Variants in GALNT10 observed in about 807,000 individuals in gnomAD.
GALNT10 encodes polypeptide N-acetylgalactosaminyltransferase 10.
GALNT10 carries 41 observed loss-of-function variants against 75.0 expected under a neutral mutation model. The observed-to-expected ratio is 0.55, with a 90% CI of 0.43 to 0.71. The LOEUF is 0.71. Ranked by LOEUF, GALNT10 falls within the 30% of genes least tolerant of loss-of-function variation. The pLI, the probability that GALNT10 is intolerant of heterozygous loss-of-function variation, is 0.00. For missense variants in GALNT10, 727 were observed against 818.5 expected (o/e 0.89, Z 1.36); for synonymous variants, 302 against 313.0 (o/e 0.96, Z 0.37).
At chr5:154,318,657 A>G (rs1226234250) in intron 3 of GALNT10, among the ~76,000 whole-genome samples, 1 of 152,224 alleles carries the variant, frequency 6.6e-6, no homozygotes, top group East Asian at 1.9e-4. Context: ...GAAATCCTCA[A>G]CAGATGTTTT....
intron 4 of GALNT10, among the ~76,000 whole-genome samples, chr5:154,345,389 G>T (rs556769380): frequency 2.6e-5 from 4 of 151,960 alleles, no homozygotes; most frequent in Non-Finnish European, 5.9e-5. Flanking sequence ...TGCACATTAG[G>T]TCTCCAGAAC....
At chr5:154,293,611 A>ATTTTTTTTTTTTTTTTTTTTTTTTTT (rs912343114) in intron 1 of GALNT10, among the ~76,000 whole-genome samples, 6 of 96,680 alleles carry the variant, frequency 6.2e-5, no homozygotes, top group Non-Finnish European at 1.4e-4. Context: ...ATATATATAT[A>ATTTTTTTTTTTTTTTTTTTTTTTTTT]TATTTTTTTT....
At chr5:154,282,468 C>T (rs569361665) in intron 1 of GALNT10, among the ~76,000 whole-genome samples, 7 of 152,164 alleles carry the variant, frequency 4.6e-5, no homozygotes, top group South Asian at 2.1e-4. Context: ...ATCATATTCC[C>T]AGCTAAAATT....
intron 1 of GALNT10, among the ~76,000 whole-genome samples, chr5:154,288,440 G>GTGTGTGTGTGTA (rs1754145662): frequency 6.7e-6 from 1 of 149,324 alleles, no homozygotes; most frequent in African/African-American, 2.5e-5. Context: ...GTGTGTGTGT[G>GTGTGTGTGTGTA]TGTTTGAACA....
Position 154,416,150 on chromosome 5 carries a change from A to G in GALNT10, c.1653+218A>G, listed in dbSNP as rs73285250. The stretch of plus-strand genomic sequence containing the variant: ...TTGGCAACTGATTCCATTTAAAAAG[A>G]AAAGTGCAGCCGGGCACAGTGGCTC... On this transcript the variant is annotated intron_variant, in intron 11 of 11. Coordinates refer to ENST00000297107, the MANE Select transcript of GALNT10 (RefSeq NM_198321.4). The surrounding 1 kb of genome is among the most constrained non-coding windows in gnomAD (Gnocchi z 4.5). 3.6e-3 allele frequency among the ~76,000 whole-genome samples: 542 copies of G among 152,296 alleles called. 4 individuals carry two copies. The highest frequency in any genetic ancestry group is 0.012 in the African/African-American group (507 of 41,546).
At chr5:154,330,872 A>G (rs1754846805) in intron 4 of GALNT10, among the ~76,000 whole-genome samples, 1 of 151,226 alleles carries the variant, frequency 6.6e-6, no homozygotes, top group Non-Finnish European at 1.5e-5. Context: ...TCTTAATTAC[A>G]TGCGTTTAGT....
chr5:154,353,212 G>A lies in GALNT10; in HGVS notation c.569-23065G>A, dbSNP rs938096292. 2.0e-5 allele frequency among the ~76,000 whole-genome samples: 3 copies of A among 152,148 alleles called. No individual in the cohort carries two copies. In the East Asian group the frequency reaches 5.8e-4, roughly 29 times the overall value. On this transcript the variant is annotated intron_variant, in intron 4 of 11. Coordinates refer to ENST00000297107, the MANE Select transcript of GALNT10 (RefSeq NM_198321.4). ...ATCTCTGAGGGCAGTGGAGTTCAAG[G>A]TGAATTCTGTTTATGTTTTGGGTTG...
chr5:154,297,145 A>G (rs897923524), intron 2 of GALNT10, among the ~76,000 whole-genome samples: 5 of 151,788 alleles, frequency 3.3e-5, no homozygotes, highest in African/African-American at 1.2e-4. Context: ...CACTTACCAT[A>G]TGCACCTGGG....
At chr5:154,245,762 G>C (rs900397364) in intron 1 of GALNT10, among the ~76,000 whole-genome samples, 1 of 151,134 alleles carries the variant, frequency 6.6e-6, no homozygotes, top group Admixed American at 6.6e-5. Context: ...TAAGCATCTG[G>C]GATAAAAGTG....
intron 7 of GALNT10, among the ~76,000 whole-genome samples, chr5:154,401,663 C>T (rs942263208): frequency 1.1e-4 from 17 of 152,224 alleles, no homozygotes; most frequent in African/African-American, 3.6e-4. Context: ...CCAGGCAGCA[C>T]TTCCAATAAT....
chr5:154,354,485 A>G (rs1035432), intron 4 of GALNT10, among the ~76,000 whole-genome samples: 4,101 of 152,200 alleles, frequency 0.027, 186 homozygotes, highest in African/African-American at 0.093. Context: ...ACAGAGAGAA[A>G]AGGAAGTTTT....
chr5:154,409,410 G>T lies in GALNT10; in HGVS notation c.1165-131G>T. 1 of 756,034 alleles carries T rather than the reference G, an allele frequency of 1.3e-6. No homozygotes were observed. The highest frequency in any genetic ancestry group is 2.4e-6 in the Non-Finnish European group (1 of 410,116). 46.8% of individuals were successfully genotyped at this position (756,034 alleles called of 1,614,324 possible). On this transcript the variant is annotated intron_variant, in intron 8 of 11. Coordinates refer to ENST00000297107, the MANE Select transcript of GALNT10 (RefSeq NM_198321.4). This position sits in a 1 kb window ranked among gnomAD's most constrained non-coding sequence, Gnocchi z 4.5. ...GAAACACAGAAGGCCTAAACTCACG[G>T]TGGGGCTGGGATTTTTGATGGAACA...
rs138078418 is a variant in GALNT10 at position 154,212,472 on chromosome 5, G to A, written c.159+21447G>A. ...TGCTAAATATTAATACTTCACTTAC[G>A]TTACTTCATTTAATGCTTTGAACTA... On this transcript the variant is annotated intron_variant, in intron 1 of 11. Transcript: ENST00000297107. Among the ~76,000 whole-genome samples, 1,220 of 152,300 alleles carry A rather than the reference G, an allele frequency of 8.0e-3. 22 individuals carry two copies. Among genetic ancestry groups the A allele is most frequent in the African/African-American group, 0.028 (1,150 of 41,550 alleles).
Position 154,402,105 on chromosome 5 carries a change from A to T in GALNT10, c.1057-1999A>T, listed in dbSNP as rs536366989. ...AGGCTGTTCTCCACCCCACTGGCAG[A>T]GTCATCTTTGTAAGATGTAAGTGGA... On this transcript the variant is annotated intron_variant, in intron 7 of 11. Coordinates refer to ENST00000297107, the MANE Select transcript of GALNT10 (RefSeq NM_198321.4). The surrounding 1 kb of genome is among the most constrained non-coding windows in gnomAD (Gnocchi z 4.2). Among the ~76,000 whole-genome samples the T allele has an allele frequency of 5.3e-5, 8 of 152,292 alleles. No homozygotes were observed. The highest frequency in any genetic ancestry group is 2.9e-5 in the Non-Finnish European group (2 of 68,022).
At position 154,416,308 on chromosome 5, in the gene GALNT10, CTG is replaced by C. The variant is rs1247540903; in HGVS notation, c.1653+378_1653+379del. Among the ~76,000 whole-genome samples, 8 of 152,110 alleles carry C rather than the reference CTG, an allele frequency of 5.3e-5. No individual in the cohort carries two copies. The highest frequency in any genetic ancestry group is 3.9e-4 in the Admixed American group (6 of 15,274). On this transcript the variant is annotated intron_variant, in intron 11 of 11. Coordinates refer to ENST00000297107, the MANE Select transcript of GALNT10 (RefSeq NM_198321.4). This position sits in a 1 kb window ranked among gnomAD's most constrained non-coding sequence, Gnocchi z 4.5. ...ATCAGCCAGACATGGTGGCTCATGC[CTG>C]TACTCCCAGCTACTCGGGAGGCCGA...
chr5:154,208,807 G>A (rs2113646903), intron 1 of GALNT10, among the ~76,000 whole-genome samples: 1 of 152,314 alleles, frequency 6.6e-6, no homozygotes, highest in Middle Eastern at 3.4e-3. Context: ...TGGCTATTAA[G>A]AAGTGAAAAG....
At chr5:154,246,653 G>A (rs908937325) in intron 1 of GALNT10, among the ~76,000 whole-genome samples, 1 of 152,162 alleles carries the variant, frequency 6.6e-6, no homozygotes, top group Non-Finnish European at 1.5e-5. Flanking sequence ...TTTTGATGGG[G>A]TTGTTTGTTT....
intron 1 of GALNT10, among the ~76,000 whole-genome samples, chr5:154,194,266 A>T (rs1774902051): frequency 6.6e-6 from 1 of 152,128 alleles, no homozygotes; most frequent in Non-Finnish European, 1.5e-5. Context: ...GTTAGAGCTG[A>T]ACTTTATTCT....
chr5:154,288,313 C>A (rs577921208), intron 1 of GALNT10, among the ~76,000 whole-genome samples: 2 of 152,238 alleles, frequency 1.3e-5, no homozygotes, highest in South Asian at 4.2e-4. Context: ...CCTTCTTGAG[C>A]AGAATGTAGT....
Sources: allele counts gnomAD v4.1 joint callset (sites outside exome capture counted in the v4.1 genomes callset), GRCh38; gene constraint gnomAD v4.1.1; non-coding constraint Gnocchi (gnomAD v3.1); transcripts MANE v1.5; gene names NCBI Gene and HGNC (gene_info 2026-07-23, HGNC 2026-07-21).